Variants in TBC1D5 observed in about 807,000 individuals in gnomAD.
TBC1D5 encodes the protein TBC1 domain family, member 5.
In TBC1D5, 75 loss-of-function variants were observed where a neutral mutation model predicts 100.3. That is an observed-to-expected ratio of 0.75 (90% CI 0.62 to 0.91). The LOEUF is 0.91. TBC1D5 is among the 40% of genes least tolerant of loss of function. The probability of loss-of-function intolerance (pLI) is 0.00; values close to 1 mark genes in which losing one functional copy is unlikely to be tolerated. For synonymous variants in TBC1D5, 323 were observed against 325.6 expected, an observed-to-expected ratio of 0.99 and a Z score of 0.09; for missense variants, 910 against 942.4, an observed-to-expected ratio of 0.97 and a Z score of 0.45.
intron 13 of TBC1D5, among the ~76,000 whole-genome samples, chr3:17,338,893 A>G (rs1389706043): frequency 1.3e-5 from 2 of 152,194 alleles, no homozygotes; most frequent in Admixed American, 6.5e-5. Context: ...CTTTCAAACT[A>G]TAAGATCCAA....
chr3:17,287,356 C>A (rs1429158288), intron 15 of TBC1D5, among the ~76,000 whole-genome samples: 1 of 152,190 alleles, frequency 6.6e-6, no homozygotes, highest in Non-Finnish European at 1.5e-5. Context: ...TAATAACTTA[C>A]AAAACACACA....
chr3:17,158,570 TC>T (rs1313367335), exon 22 of TBC1D5: 1 of 152,246 alleles, frequency 6.6e-6, no homozygotes, highest in East Asian at 1.9e-4. Flanking sequence ...TGACCCACTG[TC>T]CTTGTATGTC....
At chr3:17,606,971 A>C (rs1198167938) in intron 2 of TBC1D5, among the ~76,000 whole-genome samples, 1 of 152,226 alleles carries the variant, frequency 6.6e-6, no homozygotes, top group African/African-American at 2.4e-5. Flanking sequence ...TACAATAATT[A>C]GTTCGATTTT....
chr3:17,421,309 A>G (rs1364856523), intron 4 of TBC1D5, among the ~76,000 whole-genome samples: 1 of 152,218 alleles, frequency 6.6e-6, no homozygotes, highest in Non-Finnish European at 1.5e-5. Context: ...AAGGCTATAC[A>G]TTTTGTGCTC....
chr3:17,564,956 G>GA (rs2096584539), intron 2 of TBC1D5, among the ~76,000 whole-genome samples: 1 of 151,714 alleles, frequency 6.6e-6, no homozygotes, highest in African/African-American at 2.4e-5. Flanking sequence ...AATTATATTA[G>GA]AAAAAAATGA....
At chr3:17,589,550 G>A (rs568505026) in intron 2 of TBC1D5, among the ~76,000 whole-genome samples, 1 of 152,278 alleles carries the variant, frequency 6.6e-6, no homozygotes, top group East Asian at 1.9e-4. Flanking sequence ...GCCGCCCTGT[G>A]AGACATGCTT....
At chr3:17,488,112 T>C (rs534028017) in intron 3 of TBC1D5, among the ~76,000 whole-genome samples, 1 of 152,296 alleles carries the variant, frequency 6.6e-6, no homozygotes, top group Non-Finnish European at 1.5e-5. Context: ...GCCCTAAAGA[T>C]CTTCTGTGCT....
intron 14 of TBC1D5, among the ~76,000 whole-genome samples, chr3:17,303,050 C>T (rs1158848616): frequency 1.8e-4 from 27 of 152,200 alleles, no homozygotes; most frequent in Non-Finnish European, 2.1e-4. Context: ...ATAAGCTCAT[C>T]TAATTAGTCC....
intron 8 of TBC1D5, among the ~76,000 whole-genome samples, chr3:17,389,541 C>G (rs907739917): frequency 6.6e-6 from 1 of 152,064 alleles, no homozygotes; most frequent in African/African-American, 2.4e-5. Context: ...AAAAGGCCAT[C>G]GCGGGTGTTC....
chr3:17,356,073 C>T (rs375305715), intron 13 of TBC1D5, among the ~76,000 whole-genome samples: 1 of 152,026 alleles, frequency 6.6e-6, no homozygotes, highest in Non-Finnish European at 1.5e-5. Context: ...AAAAAGTGAT[C>T]ATTGTTGGTT....
intron 2 of TBC1D5, among the ~76,000 whole-genome samples, chr3:17,611,681 T>A (rs1037176914): frequency 6.6e-6 from 1 of 151,960 alleles, no homozygotes. Flanking sequence ...GAAACCAGAG[T>A]GGAGTGCTAT....
At chr3:17,368,695 T>C (rs536409400) in intron 13 of TBC1D5, among the ~76,000 whole-genome samples, 38 of 151,860 alleles carry the variant, frequency 2.5e-4, no homozygotes, top group Non-Finnish European at 4.6e-4. Context: ...ATTTTCTTTT[T>C]AAATTTTTCA....
chr3:17,285,411 C>A (rs1355421665), intron 15 of TBC1D5, among the ~76,000 whole-genome samples: 8 of 151,294 alleles, frequency 5.3e-5, no homozygotes, highest in Admixed American at 2.6e-4. Context: ...CAGGCGCCCG[C>A]TACCACGCCC....
chr3:17,444,839 C>T (rs2094747355), intron 3 of TBC1D5, among the ~76,000 whole-genome samples: 1 of 151,832 alleles, frequency 6.6e-6, no homozygotes, highest in Admixed American at 6.6e-5. Flanking sequence ...TAATACTATC[C>T]TAATATAACT....
intron 2 of TBC1D5, among the ~76,000 whole-genome samples, chr3:17,570,017 C>T (rs2096616878): frequency 6.6e-6 from 1 of 151,756 alleles, no homozygotes; most frequent in African/African-American, 2.4e-5. Flanking sequence ...TTTACAGGTA[C>T]TAGAAAGTCA....
intron 2 of TBC1D5, among the ~76,000 whole-genome samples, chr3:17,565,774 A>C (rs1055304840): frequency 6.6e-6 from 1 of 152,078 alleles, no homozygotes; most frequent in Admixed American, 6.5e-5. Flanking sequence ...TTACATTTGA[A>C]AAACTTTGCC....
chr3:17,636,930 A>T (rs2063993676), intron 1 of TBC1D5, among the ~76,000 whole-genome samples: 1 of 152,202 alleles, frequency 6.6e-6, no homozygotes, highest in African/African-American at 2.4e-5. Flanking sequence ...AAAATTTGTA[A>T]GACAGTAGGG....
intron 1 of TBC1D5, among the ~76,000 whole-genome samples, chr3:17,701,509 A>G (rs1269966006): frequency 6.6e-6 from 1 of 152,116 alleles, no homozygotes; most frequent in African/African-American, 2.4e-5. Flanking sequence ...GTGGCGCACA[A>G]CTGTAGTTCC....
intron 2 of TBC1D5, among the ~76,000 whole-genome samples, chr3:17,554,488 G>C (rs1229420924): frequency 1.3e-5 from 2 of 152,200 alleles, no homozygotes; most frequent in African/African-American, 4.8e-5. Context: ...TTTTATCTAA[G>C]AGGCTTAGTT....
Sources: allele counts gnomAD v4.1 joint callset (sites outside exome capture counted in the v4.1 genomes callset), GRCh38; gene constraint gnomAD v4.1.1; transcripts MANE v1.5; gene names NCBI Gene and HGNC (gene_info 2026-07-23, HGNC 2026-07-21).